The following RRM2 variants were observed in gnomAD, a reference collection of about 807,000 sequenced individuals.
RRM2 encodes ribonucleoside-diphosphate reductase subunit M2.
In RRM2, 6 loss-of-function variants were observed where a neutral mutation model predicts 45.9. The observed-to-expected ratio is 0.13, with a 90% confidence interval of 0.07 to 0.26. The LOEUF (loss-of-function observed/expected upper bound fraction) is 0.26, where lower values mean the gene tolerates loss of function less well. Ranked by LOEUF, RRM2 falls within the 10% of genes least tolerant of loss-of-function variation. RRM2 has a pLI of 1.00. For synonymous variants in RRM2, 177 were observed against 173.0 expected (o/e 1.02, Z -0.18); for missense variants, 343 against 489.5 (o/e 0.70, Z 2.82).
Position 10,131,326 on chromosome 2 carries a change from A to G in RRM2, c.*1940A>G, listed in dbSNP as rs1662896746. Reference sequence around the variant, plus strand: ...CTTCTGCCAGCTCAGACCATTTCCTAATCAGTTGAAAGGGAAACAAGTATT... The same window carrying G: ...CTTCTGCCAGCTCAGACCATTTCCTGATCAGTTGAAAGGGAAACAAGTATT... On this transcript the variant is annotated 3_prime_UTR_variant, in exon 10 of 10. Coordinates refer to ENST00000304567, the MANE Select transcript of RRM2 (RefSeq NM_001034.4). 6.6e-6 allele frequency: 1 copy of G among 152,204 alleles called. No homozygotes were observed. The highest frequency in any genetic ancestry group is 1.5e-5 in the Non-Finnish European group (1 of 68,032). 9.4% of individuals were successfully genotyped at this position (152,204 alleles called of 1,614,324 possible).
At chr2:10,126,162 TAAAAAAAAAAAAAAAAAA>T (rs532815964) in intron 5 of RRM2, among the ~76,000 whole-genome samples, 3 of 89,338 alleles carry the variant, frequency 3.4e-5, no homozygotes, top group Admixed American at 2.9e-4. Context: ...CTCATCTCTT[TAAAAAAAAAAAAAAAAAA>T]AAAAAAAAAA....
rs150229541 is a variant in RRM2, at chr2:10,204,809, A to G, written n.483-5502A>G. 1.4e-3 allele frequency among the ~76,000 whole-genome samples: 220 copies of G among 152,340 alleles called. 3 individuals are homozygous for G. Among genetic ancestry groups the G allele is most frequent in the African/African-American group, 5.1e-3 (211 of 41,582 alleles). Reference sequence around the variant, plus strand: ...CTTTTCCTCTTCCAAGATGGGTGGCACTGAACGCCGAGGCCACGGCCCGTC... The same window carrying G: ...CTTTTCCTCTTCCAAGATGGGTGGCGCTGAACGCCGAGGCCACGGCCCGTC... On this transcript the variant is annotated intron_variant and non_coding_transcript_variant, in intron 3 of 3. Transcript: ENST00000381786. The surrounding 1 kb of genome is among the most constrained non-coding windows in gnomAD (Gnocchi z 4.0).
At chr2:10,181,764 T>C (rs1664053424) in intron 3 of RRM2, among the ~76,000 whole-genome samples, 1 of 93,190 alleles carries the variant, frequency 1.1e-5, no homozygotes, top group Non-Finnish European at 2.0e-5. Flanking sequence ...CTTTTTTTTT[T>C]TTTTTTTTTT....
intron 3 of RRM2, chr2:10,142,447 T>C (rs1663104788): frequency 1.5e-6 from 2 of 1,341,346 alleles, no homozygotes; most frequent in Non-Finnish European, 2.0e-6. Flanking sequence ...GGGCCTGTCA[T>C]CTGCTGTTTC....
chr2:10,152,563 G>A (rs544448549), intron 3 of RRM2, among the ~76,000 whole-genome samples: 1 of 150,676 alleles, frequency 6.6e-6, no homozygotes, highest in Non-Finnish European at 1.5e-5. Context: ...GCTCATTGCA[G>A]CTTTGGCCTC....
chr2:10,198,175 C>A (rs1664454068), intron 3 of RRM2, among the ~76,000 whole-genome samples: 1 of 152,194 alleles, frequency 6.6e-6, no homozygotes, highest in South Asian at 2.1e-4. Context: ...GGAGCCCCAC[C>A]CATGGGGTGC....
Position 10,172,310 on chromosome 2 carries a change from C to T in RRM2, n.482+29935C>T, listed in dbSNP as rs1339744964. Reference sequence around the variant, plus strand: ...GGCTGGCACCGTGGTGGTCCCTGGGCTGTGCCTGTTTCCCTCCCACTTCTG... The same window carrying T: ...GGCTGGCACCGTGGTGGTCCCTGGGTTGTGCCTGTTTCCCTCCCACTTCTG... On this transcript the variant is annotated intron_variant and non_coding_transcript_variant, in intron 3 of 3. Transcript: ENST00000381786. The surrounding 1 kb of genome is among the most constrained non-coding windows in gnomAD (Gnocchi z 4.9). Among the ~76,000 whole-genome samples the T allele has an allele frequency of 6.6e-6, 1 of 152,124 alleles. No homozygotes were observed. The highest frequency in any genetic ancestry group is 1.5e-5 in the Non-Finnish European group (1 of 68,014).
intron 3 of RRM2, among the ~76,000 whole-genome samples, chr2:10,196,209 C>T (rs763297892): frequency 1.3e-5 from 2 of 152,114 alleles, no homozygotes; most frequent in Non-Finnish European, 1.5e-5. Context: ...GCTTCAGACC[C>T]GTGTGAAGAC....
intron 6 of RRM2, 28 bp downstream of exon 6, chr2:10,126,997 C>A: frequency 6.2e-7 from 1 of 1,612,174 alleles, no homozygotes; most frequent in Non-Finnish European, 8.5e-7. Flanking sequence ...CCTACTTAAA[C>A]CTGAGCTTCA....
downstream of RRM2, among the ~76,000 whole-genome samples, chr2:10,132,366 G>C (rs1180120347): frequency 1.2e-4 from 18 of 152,172 alleles, no homozygotes; most frequent in Non-Finnish European, 7.4e-5. Context: ...GGGGGCAGCA[G>C]AGAATTCTAA....
intron 3 of RRM2, among the ~76,000 whole-genome samples, chr2:10,174,777 G>A (rs572773658): frequency 4.6e-5 from 7 of 152,042 alleles, no homozygotes; most frequent in African/African-American, 1.4e-4. Flanking sequence ...AGAGGCAGGA[G>A]GATCACCTGA....
chr2:10,205,054 AC>A lies in RRM2; in HGVS notation n.483-5256del, dbSNP rs1558408484. Among the ~76,000 whole-genome samples the A allele has an allele frequency of 6.6e-6, 1 of 152,114 alleles. No homozygotes were observed. Among genetic ancestry groups the A allele is most frequent in the Non-Finnish European group, 1.5e-5 (1 of 68,012 alleles). ...ACGTGGTCTGCTTCGAATCCAGCAA[AC>A]TTTTGTTTTCAGTGCCCAGCTCCCT... On this transcript the variant is annotated intron_variant and non_coding_transcript_variant, in intron 3 of 3. Transcript: ENST00000381786. This position sits in a 1 kb window ranked among gnomAD's most constrained non-coding sequence, Gnocchi z 4.8.
chr2:10,150,771 G>GTGT (rs754084945), intron 3 of RRM2, among the ~76,000 whole-genome samples: 2 of 92,874 alleles, frequency 2.2e-5, no homozygotes, highest in Non-Finnish European at 4.2e-5. Context: ...AGTGTGTTGT[G>GTGT]TTTTTTTTTT....
At chr2:10,142,056 G>C in intron 2 of RRM2, 1 of 1,598,406 alleles carries the variant, frequency 6.3e-7, no homozygotes, top group Non-Finnish European at 8.5e-7. Context: ...GGAGCCAGAG[G>C]ATGTGGGGAT....
At chr2:10,147,274 G>A (rs747852996) in intron 3 of RRM2, among the ~76,000 whole-genome samples, 3 of 151,708 alleles carry the variant, frequency 2.0e-5, no homozygotes, top group African/African-American at 4.8e-5. Context: ...TAAAGATAAG[G>A]GTTTTTTTTT....
Position 10,161,834 on chromosome 2 carries a change from C to T in RRM2, n.482+19459C>T, listed in dbSNP as rs115606004. On this transcript the variant is annotated intron_variant and non_coding_transcript_variant, in intron 3 of 3. Transcript: ENST00000381786. ...CAGAGAGGCTAAGGGGCATCCCTAACGTCACACAGCTAAGAGGCAAGGCTG... is the reference window on the plus strand; with the variant it reads ...CAGAGAGGCTAAGGGGCATCCCTAATGTCACACAGCTAAGAGGCAAGGCTG... Among the ~76,000 whole-genome samples the T allele has an allele frequency of 9.7e-3, 1,483 of 152,326 alleles. 30 individuals carry two copies. The highest frequency in any genetic ancestry group is 0.034 in the African/African-American group (1,407 of 41,560).
At chr2:10,199,937 G>T (rs912239807) in intron 3 of RRM2, among the ~76,000 whole-genome samples, 1 of 151,906 alleles carries the variant, frequency 6.6e-6, no homozygotes, top group African/African-American at 2.4e-5. Context: ...GAGTTCAAGC[G>T]ATTCTCCAGC....
At chr2:10,142,029 C>A in intron 2 of RRM2, 1 of 1,585,332 alleles carries the variant, frequency 6.3e-7, no homozygotes, top group South Asian at 1.1e-5. Flanking sequence ...CTTGCTCTTT[C>A]ATGTGGGGAG....
intron 3 of RRM2, among the ~76,000 whole-genome samples, chr2:10,170,513 C>T (rs984982274): frequency 2.7e-5 from 4 of 149,966 alleles, no homozygotes; most frequent in East Asian, 1.9e-4. Flanking sequence ...TCCTGTCAGG[C>T]GAGAGAGAGA....
Sources: gnomAD v4.1 joint callset for allele counts (sites outside exome capture counted in the v4.1 genomes callset) on GRCh38, gnomAD v4.1.1 for gene constraint, Gnocchi (gnomAD v3.1) non-coding constraint, MANE v1.5 for transcripts, NCBI Gene and HGNC (gene_info 2026-07-23, HGNC 2026-07-21) for gene names.